Variants in ITPRID2 observed in about 807,000 individuals in gnomAD.
ITPRID2 encodes the protein protein ITPRID2.
In ITPRID2, 60 loss-of-function variants were observed where a neutral mutation model predicts 124.3. The observed-to-expected ratio is 0.48, with a 90% CI of 0.39 to 0.60. The LOEUF (loss-of-function observed/expected upper bound fraction) is 0.60. Among genes scored for constraint, ITPRID2 ranks in the 20% least tolerant of loss-of-function variants. The pLI is 0.00. For missense variants in ITPRID2, 1,553 were observed against 1,512.2 expected (o/e 1.03, Z -0.45); for synonymous variants, 521 against 542.9 (o/e 0.96, Z 0.56).
chr2:181,918,431 A>G, intron 11 of ITPRID2, 167 bp from the exon 12 acceptor site: 1 of 1,445,366 alleles, frequency 6.9e-7, no homozygotes. Context: ...ACTAGGTGTC[A>G]TTGGGAACTG....
chr2:181,923,666 G>A (rs1439246196), intron 16 of ITPRID2, among the ~76,000 whole-genome samples: 3 of 151,926 alleles, frequency 2.0e-5, no homozygotes, highest in South Asian at 2.1e-4. Context: ...CTGAGGAAGT[G>A]GGTTTTAAGG....
intron 7 of ITPRID2, among the ~76,000 whole-genome samples, chr2:181,901,209 T>C (rs771582751): frequency 2.5e-4 from 38 of 152,196 alleles, no homozygotes; most frequent in Non-Finnish European, 5.1e-4. Context: ...AGAGGAGCCT[T>C]GTTAATCTTA....
chr2:181,916,325 C>T lies in ITPRID2; in HGVS notation c.2685C>T (p.Thr895=), dbSNP rs1694045989. ...FGCPYSHRHA[T]YPYRVCSVNP... is the part of the protein sequence containing the mutation. ...GTCCTTACTCACATAGACATGCCAC[C>T]TACCCTTACCGAGTGTGCTCTGTGA... The change falls in exon 11 of 18, where the codon ACC becomes ACT. Residue 895 remains threonine (T), a synonymous_variant. Transcript: ENST00000431877. 6.2e-7 allele frequency: 1 copy of T among 1,614,112 alleles called. No individual in the cohort carries two copies. Among genetic ancestry groups the T allele is most frequent in the Admixed American group, 1.7e-5 (1 of 60,006 alleles).
chr2:181,899,676 T>A (rs952548823), intron 6 of ITPRID2, among the ~76,000 whole-genome samples: 19 of 152,246 alleles, frequency 1.2e-4, no homozygotes, highest in African/African-American at 4.1e-4. Flanking sequence ...AAACCCTGTC[T>A]TTACAAAAAA....
intron 11 of ITPRID2, 80 bp downstream of exon 11, chr2:181,916,507 A>G (rs977479419): frequency 6.7e-7 from 1 of 1,488,882 alleles, no homozygotes; most frequent in African/African-American, 1.4e-5. Context: ...AAGCTAAGGC[A>G]CATCAAGTAT....
chr2:181,917,048 A>G, intron 11 of ITPRID2: 1 of 974,330 alleles, frequency 1.0e-6, no homozygotes, highest in Non-Finnish European at 1.2e-6. Flanking sequence ...ATGTCTTGTC[A>G]CTTTTAAAGT....
At chr2:181,903,533 G>T (rs1692852358) in intron 8 of ITPRID2, among the ~76,000 whole-genome samples, 1 of 148,780 alleles carries the variant, frequency 6.7e-6, no homozygotes, top group South Asian at 2.2e-4. Flanking sequence ...CCCTCCCTCA[G>T]ATTAGTGAAG....
chr2:181,908,870 A>G (rs1480916927), intron 8 of ITPRID2, among the ~76,000 whole-genome samples: 6 of 152,032 alleles, frequency 3.9e-5, no homozygotes, highest in Non-Finnish European at 8.8e-5. Context: ...TTTTTTTTCA[A>G]GGTTGAAAAC....
In ITPRID2 at chr2:181,929,406, A is replaced by G. The variant is rs149266170; in HGVS notation, c.*14-155A>G. The stretch of plus-strand genomic sequence containing the variant: ...AATTATTTTTTTTAAAGCCAGGGAT[A>G]TAAGAATTAACTCTCAGGAAGATGT... On this transcript the variant is annotated intron_variant, in intron 17 of 17. Transcript: ENST00000431877. 5.9e-4 allele frequency among the ~76,000 whole-genome samples: 90 copies of G among 152,310 alleles called. No individual in the cohort carries two copies. In the East Asian group the frequency reaches 0.017, roughly 28 times the overall value.
rs745966743 is a variant in ITPRID2 at position 181,907,745 on chromosome 2, A to G, written c.1414-2154A>G. On this transcript the variant is annotated intron_variant, in intron 8 of 17. Transcript: ENST00000431877. This position sits in a 1 kb window ranked among gnomAD's most constrained non-coding sequence, Gnocchi z 5.1. Reference sequence around the variant, plus strand: ...AAATTTGACTGCCGCCTTTTGCACAATTGTGACCAATAATAAAATAAGAAA... The same window carrying G: ...AAATTTGACTGCCGCCTTTTGCACAGTTGTGACCAATAATAAAATAAGAAA... Among the ~76,000 whole-genome samples, 4 of 152,140 alleles carry G rather than the reference A, an allele frequency of 2.6e-5. No individual in the cohort carries two copies. The highest frequency in any genetic ancestry group is 1.3e-4 in the Admixed American group (2 of 15,280).
In ITPRID2 at chr2:181,896,842, CAG is replaced by C. The variant is rs1055324350; in HGVS notation, c.308-65_308-64del. 1 of 1,267,944 alleles carries C rather than the reference CAG, an allele frequency of 7.9e-7. No individual in the cohort carries two copies. Among genetic ancestry groups the C allele is most frequent in the African/African-American group, 1.5e-5 (1 of 67,420 alleles). The allele number at this position is 1,267,944 out of a possible 1,614,324, so 78.5% of individuals were successfully genotyped here. A position where few individuals can be genotyped will look rare whatever the true frequency, so the allele number is the denominator to read the frequency against. On this transcript the variant is annotated intron_variant, in intron 3 of 17. Transcript: ENST00000431877. The surrounding 1 kb of genome is among the most constrained non-coding windows in gnomAD (Gnocchi z 4.3). ...TTTTGCTGGGTGAATTTAACTAAAA[CAG>C]TGATTTTATATGAGGGTGGAGAGGA...
chr2:181,917,105 T>A, intron 11 of ITPRID2: 2 of 783,094 alleles, frequency 2.6e-6, no homozygotes, highest in Non-Finnish European at 3.1e-6. Flanking sequence ...CCCAAAAAAA[T>A]TTTGAAAATA....
chr2:181,923,329 C>CT (rs1694622016), intron 16 of ITPRID2, among the ~76,000 whole-genome samples: 1 of 152,166 alleles, frequency 6.6e-6, no homozygotes, highest in Admixed American at 6.5e-5. Flanking sequence ...ATATGCAGTT[C>CT]TCTAGTATTT....
At chr2:181,918,217 C>A in intron 11 of ITPRID2, 1 of 776,238 alleles carries the variant, frequency 1.3e-6, no homozygotes, top group Non-Finnish European at 1.6e-6. Flanking sequence ...CTGAGAAAGA[C>A]GACAATGATT....
intron 15 of ITPRID2, 53 bp from the exon 16 acceptor site, chr2:181,921,895 G>C: frequency 6.6e-7 from 1 of 1,504,776 alleles, no homozygotes; most frequent in Non-Finnish European, 9.0e-7. Context: ...AACCTTTTTA[G>C]CTACCAATCT....
Position 181,915,943 on chromosome 2 carries a change from C to T in ITPRID2, c.2303C>T (p.Pro768Leu). ...CCAGGAAAAGAGACCAGATGCAGCCCACCTTCCTTCACCTATAAGTACACA... is the reference window on the plus strand; with the variant it reads ...CCAGGAAAAGAGACCAGATGCAGCCTACCTTCCTTCACCTATAAGTACACA... ...LSPGKETRCSPPSFTYKYTPE... is the reference protein window; with the variant it reads ...LSPGKETRCSLPSFTYKYTPE... Residue 768 changes from proline (P) to leucine (L), a missense_variant, in exon 11 of 18, where the codon CCA (proline) becomes CTA (leucine). Transcript: ENST00000431877. 6 of 1,614,186 alleles carry T rather than the reference C, an allele frequency of 3.7e-6. No homozygotes were observed. The highest frequency in any genetic ancestry group is 5.1e-6 in the Non-Finnish European group (6 of 1,180,040).
At chr2:181,915,083 A>C in intron 10 of ITPRID2, 133 bp from the exon 11 acceptor site, 1 of 1,024,920 alleles carries the variant, frequency 9.8e-7, no homozygotes, top group Non-Finnish European at 1.4e-6. Context: ...GCAATAAAAC[A>C]ATTTTGAGCA....
intron 2 of ITPRID2, chr2:181,893,791 C>A (rs1219509824): frequency 2.0e-5 from 3 of 152,170 alleles, no homozygotes; most frequent in African/African-American, 7.2e-5. Flanking sequence ...ATATTAGATA[C>A]TTCACTCAAA....
chr2:181,918,712 T>G, intron 12 of ITPRID2, 37 bp downstream of exon 12: 2 of 1,613,704 alleles, frequency 1.2e-6, no homozygotes, highest in South Asian at 2.2e-5. Context: ...TCCAAAATAA[T>G]TTGTAGAATT....
Sources: gnomAD v4.1 joint callset for allele counts (sites outside exome capture counted in the v4.1 genomes callset) on GRCh38, gnomAD v4.1.1 for gene constraint, Gnocchi (gnomAD v3.1) non-coding constraint, MANE v1.5 for transcripts, NCBI Gene and HGNC (gene_info 2026-07-23, HGNC 2026-07-21) for gene names.